The following ADAM32 variants were observed in gnomAD, a reference collection of about 807,000 sequenced individuals.
The protein encoded by ADAM32 is ADAM metallopeptidase domain 32, also known as disintegrin and metalloproteinase domain-containing protein 32.
In ADAM32, 89 loss-of-function variants were observed where a neutral mutation model predicts 114.9. That is an observed-to-expected ratio of 0.77 (90% confidence interval 0.65 to 0.92). ADAM32 has a LOEUF of 0.92. ADAM32 is among the 40% of genes least tolerant of loss of function. The pLI, the probability that ADAM32 is intolerant of heterozygous loss-of-function variation, is 0.00. For synonymous variants in ADAM32, 285 were observed against 307.5 expected (o/e 0.93, Z 0.77); for missense variants, 870 against 932.8 (o/e 0.93, Z 0.88).
At chr8:39,215,192 T>A (rs1207914826) in intron 12 of ADAM32, among the ~76,000 whole-genome samples, 5 of 151,912 alleles carry the variant, frequency 3.3e-5, no homozygotes, top group Middle Eastern at 3.2e-3. Flanking sequence ...ATTTTAGGAT[T>A]TTTTTTTCTA....
intron 2 of ADAM32, among the ~76,000 whole-genome samples, chr8:39,119,715 T>C (rs1840515174): frequency 6.6e-6 from 1 of 152,216 alleles, no homozygotes; most frequent in South Asian, 2.1e-4. Context: ...ACATTCAGTT[T>C]ATCAAATTTT....
intron 1 of ADAM32, among the ~76,000 whole-genome samples, chr8:39,117,275 C>T (rs1168627917): frequency 6.6e-6 from 1 of 152,168 alleles, no homozygotes; most frequent in Admixed American, 6.5e-5. Flanking sequence ...GTTTATGTAA[C>T]CAGAGCTTTT....
At chr8:39,261,751 G>C (rs1812044788) in intron 19 of ADAM32, among the ~76,000 whole-genome samples, 1 of 151,832 alleles carries the variant, frequency 6.6e-6, no homozygotes, top group African/African-American at 2.4e-5. Context: ...TACTAACTGG[G>C]GTGCGAGATT....
In ADAM32 at chr8:39,284,800, T is replaced by C. The variant is rs750533377; in HGVS notation, c.*1T>C. The C allele has an allele frequency of 6.2e-7, 1 of 1,613,766 alleles. No homozygotes were observed. The highest frequency in any genetic ancestry group is 1.7e-5 in the Admixed American group (1 of 60,002). ...TTTTGTTCTCTTCCACAGTAACTAGTGATTCCTTCAGAAGGCAACGGATAA... is the reference window on the plus strand; with the variant it reads ...TTTTGTTCTCTTCCACAGTAACTAGCGATTCCTTCAGAAGGCAACGGATAA... On this transcript the variant is annotated 3_prime_UTR_variant, in exon 25 of 25. Transcript: ENST00000379907.
intron 23 of ADAM32, among the ~76,000 whole-genome samples, chr8:39,281,866 A>C (rs1813439940): frequency 6.6e-6 from 1 of 152,132 alleles, no homozygotes. Flanking sequence ...CATTCAACCC[A>C]CTGCTATTCC....
chr8:39,141,695 G>T (rs1249034484), intron 3 of ADAM32, among the ~76,000 whole-genome samples: 1 of 152,178 alleles, frequency 6.6e-6, no homozygotes, highest in Non-Finnish European at 1.5e-5. Flanking sequence ...TTCTGTATAT[G>T]TCTATTAGGT....
intron 11 of ADAM32, among the ~76,000 whole-genome samples, chr8:39,198,273 A>G (rs767372005): frequency 6.6e-6 from 1 of 151,988 alleles, no homozygotes; most frequent in Non-Finnish European, 1.5e-5. Flanking sequence ...ATATTTTTTA[A>G]TTTAGAAATT....
intron 17 of ADAM32, among the ~76,000 whole-genome samples, chr8:39,248,591 C>T (rs942663254): frequency 2.6e-5 from 4 of 152,024 alleles, no homozygotes; most frequent in African/African-American, 9.7e-5. Flanking sequence ...TTCTTCAATT[C>T]TTTTTAGATT....
At chr8:39,143,171 A>C (rs1428900306) in intron 3 of ADAM32, among the ~76,000 whole-genome samples, 1 of 151,896 alleles carries the variant, frequency 6.6e-6, no homozygotes, top group East Asian at 1.9e-4. Context: ...TAGCTTGGAG[A>C]AATTTGTTAT....
intron 10 of ADAM32, among the ~76,000 whole-genome samples, chr8:39,170,223 C>T: frequency 6.6e-6 from 1 of 152,052 alleles, no homozygotes; most frequent in East Asian, 1.9e-4. Context: ...CATAAATACG[C>T]ATGCTGTTCT....
chr8:39,119,122 C>T (rs868027931), intron 2 of ADAM32, among the ~76,000 whole-genome samples: 18 of 152,158 alleles, frequency 1.2e-4, no homozygotes, highest in African/African-American at 4.1e-4. Context: ...TATCCATTCT[C>T]ATTCTCCAGT....
intron 3 of ADAM32, among the ~76,000 whole-genome samples, chr8:39,141,380 G>C (rs961221345): frequency 6.6e-6 from 1 of 152,200 alleles, no homozygotes; most frequent in African/African-American, 2.4e-5. Context: ...AGAGATTCTG[G>C]TACATTGTGT....
intron 9 of ADAM32, chr8:39,168,065 C>G (rs999078001): frequency 6.6e-6 from 1 of 152,006 alleles, no homozygotes; most frequent in Non-Finnish European, 1.5e-5. Flanking sequence ...CATTGTTTAT[C>G]TTTATGACAA....
chr8:39,283,671 TTAAAA>T (rs1373010437), intron 24 of ADAM32, 47 bp downstream of exon 24: 6 of 1,480,602 alleles, frequency 4.1e-6, no homozygotes, highest in African/African-American at 1.5e-5. Flanking sequence ...ATGTATAAAA[TTAAAA>T]TAAAACTCAT....
rs140466645 is a variant in ADAM32, at chr8:39,254,379, TA to T, written c.1903-31del. 5.7e-5 allele frequency: 84 copies of T among 1,483,058 alleles called. No homozygotes were observed. The African/African-American group carries it at 1.0e-3, about 18-fold the overall frequency. 91.9% of individuals were successfully genotyped at this position (1,483,058 alleles called of 1,614,324 possible). ...GCTCACCTTCTCTGAGAAAATATTTTAAAACAATCATTTAATTTTTCAAAAT... is the reference window on the plus strand; with the variant it reads ...GCTCACCTTCTCTGAGAAAATATTTTAAACAATCATTTAATTTTTCAAAAT... On this transcript the variant is annotated intron_variant, in intron 17 of 24. Transcript: ENST00000379907.
rs1805086910 is a variant in ADAM32 at position 39,169,950 on chromosome 8, T to C, written c.868T>C (p.Phe290Leu). Reference sequence around the variant, plus strand: ...TTATCCTCGTTATTTGGGAGCAGTGTTTCCTGGAACAATGTGTATTACTCG... The same window carrying C: ...TTATCCTCGTTATTTGGGAGCAGTGCTTCCTGGAACAATGTGTATTACTCG... The part of the protein sequence containing the change: ...MDYPRYLGAV[F>L]PGTMCITRYS... Residue 290 changes from phenylalanine to leucine, a missense_variant, in exon 10 of 25, where the codon TTT (phenylalanine) becomes CTT (leucine). Phe to Leu is a conservative substitution (Grantham distance 22). Coordinates refer to ENST00000379907, the MANE Select transcript of ADAM32 (RefSeq NM_145004.7). 4 of 1,601,748 alleles carry C rather than the reference T, an allele frequency of 2.5e-6. No homozygotes were observed.
intron 10 of ADAM32, among the ~76,000 whole-genome samples, chr8:39,180,329 GC>G (rs1805782563): frequency 1.3e-5 from 2 of 152,200 alleles, no homozygotes; most frequent in African/African-American, 4.8e-5. Context: ...TCGATTTCTC[GC>G]CGGGCCTTAG....
At chr8:39,283,721 G>T in intron 24 of ADAM32, 97 bp downstream of exon 24, 1 of 846,326 alleles carries the variant, frequency 1.2e-6, no homozygotes, top group Non-Finnish European at 1.8e-6. Flanking sequence ...GGACTGGGTA[G>T]ATGAATTGGT....
At chr8:39,167,293 A>G (rs1231394309) in intron 9 of ADAM32, 1 of 152,166 alleles carries the variant, frequency 6.6e-6, no homozygotes, top group Non-Finnish European at 1.5e-5. Flanking sequence ...CATTTGTTGA[A>G]TAGGGTGTCC....
Sources: allele counts gnomAD v4.1 joint callset (sites outside exome capture counted in the v4.1 genomes callset), GRCh38; gene constraint gnomAD v4.1.1; transcripts MANE v1.5; gene names NCBI Gene and HGNC (gene_info 2026-07-23, HGNC 2026-07-21).